The following DNAJC17 variants were observed in gnomAD, a reference collection of about 807,000 sequenced individuals.
DNAJC17 encodes dnaJ homolog subfamily C member 17.
In DNAJC17, 35 loss-of-function variants were observed where a neutral mutation model predicts 48.1. That is an observed-to-expected ratio of 0.73 (90% CI 0.56 to 0.96). DNAJC17 has a LOEUF of 0.96. DNAJC17 is among the 50% of genes least tolerant of loss of function. The pLI is 0.00. For synonymous variants in DNAJC17, 117 were observed against 142.7 expected (o/e 0.82, Z 1.28); for missense variants, 355 against 377.1 (o/e 0.94, Z 0.48).
intron 1 of DNAJC17, among the ~76,000 whole-genome samples, chr15:40,785,587 T>C (rs1889618432): frequency 6.6e-6 from 1 of 152,200 alleles, no homozygotes; most frequent in Non-Finnish European, 1.5e-5. Context: ...TCCCAAACCT[T>C]TCTCTCCTCT....
At chr15:40,775,383 G>T in intron 7 of DNAJC17, 170 bp downstream of exon 7, 2 of 827,332 alleles carry the variant, frequency 2.4e-6, no homozygotes, top group South Asian at 1.6e-5. Context: ...GCCTTTCGTG[G>T]CAAGCTCTGA....
At chr15:40,800,433 T>C (rs1406453752) in intron 1 of DNAJC17, among the ~76,000 whole-genome samples, 1 of 152,142 alleles carries the variant, frequency 6.6e-6, no homozygotes, top group East Asian at 1.9e-4. Context: ...CATGTGTTTA[T>C]TGACCATTTG....
chr15:40,807,372 T>G lies in DNAJC17; in HGVS notation c.75A>C (p.Lys25Asn), dbSNP rs1890275003. 1.2e-6 allele frequency: 2 copies of G among 1,614,124 alleles called. No homozygotes were observed. Among genetic ancestry groups the G allele is most frequent in the Non-Finnish European group, 1.7e-6 (2 of 1,180,052 alleles). ...CCTTCCTCGCCACCGTTCTCACCTCTTTGTCCGCTGCCTTCTCCTCAATGC... is the reference window on the plus strand; with the variant it reads ...CCTTCCTCGCCACCGTTCTCACCTCGTTGTCCGCTGCCTTCTCCTCAATGC... ...LLGIEEKAADKEVKKAYRQKA... is the reference protein window; with the variant it reads ...LLGIEEKAADNEVKKAYRQKA... Residue 25 changes from lysine to asparagine, a missense_variant, in exon 1 of 11, where the codon AAA (lysine) becomes AAC (asparagine). Physicochemically the swap from Lys to Asn is moderately conservative, Grantham distance 94. Coordinates refer to ENST00000220496, the MANE Select transcript of DNAJC17 (RefSeq NM_018163.3).
In DNAJC17 at chr15:40,767,939, G is replaced by A; in HGVS notation, c.*1C>T. The stretch of plus-strand genomic sequence containing the variant: ...TGAGGGGTGGATGGCTGGAGCTGGG[G>A]CTACGTAGGCGGCCCCTCCTGGTCT... On this transcript the variant is annotated 3_prime_UTR_variant, in exon 11 of 11. Transcript: ENST00000220496. 1 of 1,612,654 alleles carries A rather than the reference G, an allele frequency of 6.2e-7. No individual in the cohort carries two copies. Among genetic ancestry groups the A allele is most frequent in the Non-Finnish European group, 8.5e-7 (1 of 1,179,604 alleles).
At chr15:40,807,140 A>T in intron 1 of DNAJC17, 1 of 1,090,572 alleles carries the variant, frequency 9.2e-7, no homozygotes, top group Non-Finnish European at 1.3e-6. Flanking sequence ...CCACGGGGAG[A>T]GCACAGCCAC....
In DNAJC17 at chr15:40,807,434, T is replaced by A. The variant is rs777087065; in HGVS notation, c.13A>T (p.Lys5Ter). The A allele has an allele frequency of 1.9e-6, 3 of 1,614,250 alleles. No individual in the cohort carries two copies. In the South Asian group the frequency reaches 3.3e-5, roughly 18 times the overall value. The change falls in exon 1 of 11, where the codon AAG (lysine) becomes TAG (stop). Residue 5 changes from lysine to a stop codon, truncating the protein, a stop_gained. Coordinates refer to ENST00000220496, the MANE Select transcript of DNAJC17 (RefSeq NM_018163.3). LOFTEE classifies it high-confidence loss of function. ...TACAGGTCCATCTGTAAGAGCTCCTTGGTCACTGCCATGGTTCCGGCCTGA... is the reference window on the plus strand; with the variant it reads ...TACAGGTCCATCTGTAAGAGCTCCTAGGTCACTGCCATGGTTCCGGCCTGA... MAVT[K>*]ELLQMDLYAL... is the part of the protein sequence containing the mutation.
chr15:40,779,203 A>G lies in DNAJC17; in HGVS notation c.295+20T>C. 1 of 1,610,540 alleles carries G rather than the reference A, an allele frequency of 6.2e-7. No individual in the cohort carries two copies. The highest frequency in any genetic ancestry group is 8.5e-7 in the Non-Finnish European group (1 of 1,176,732). ...GACCACAGGAAACCACAGGCCACCGAGCACTATGATGGCACCTACCAAGCT... is the reference window on the plus strand; with the variant it reads ...GACCACAGGAAACCACAGGCCACCGGGCACTATGATGGCACCTACCAAGCT... On this transcript the variant is annotated intron_variant, in intron 4 of 10. Transcript: ENST00000220496.
intron 4 of DNAJC17, among the ~76,000 whole-genome samples, chr15:40,777,052 T>C (rs1889346462): frequency 6.6e-6 from 1 of 152,128 alleles, no homozygotes; most frequent in Non-Finnish European, 1.5e-5. Context: ...CACTGTCTCC[T>C]TTACCTCCCA....
chr15:40,778,057 C>A (rs1037147967), intron 4 of DNAJC17, among the ~76,000 whole-genome samples: 1 of 151,682 alleles, frequency 6.6e-6, no homozygotes, highest in Admixed American at 6.6e-5. Flanking sequence ...CCGGGCACAG[C>A]GGCTCGCACC....
intron 1 of DNAJC17, among the ~76,000 whole-genome samples, chr15:40,783,719 C>T (rs889017199): frequency 2.0e-5 from 3 of 151,794 alleles, no homozygotes; most frequent in East Asian, 3.9e-4. Flanking sequence ...AAAAATTAGC[C>T]GGGTGTGGTG....
At chr15:40,790,443 G>A (rs1020385489) in intron 1 of DNAJC17, among the ~76,000 whole-genome samples, 10 of 152,056 alleles carry the variant, frequency 6.6e-5, no homozygotes, top group African/African-American at 1.7e-4. Context: ...GCATGGTGGC[G>A]CATCACATGC....
intron 1 of DNAJC17, among the ~76,000 whole-genome samples, chr15:40,795,834 G>A (rs957736487): frequency 1.3e-5 from 2 of 152,122 alleles, no homozygotes; most frequent in South Asian, 4.1e-4. Context: ...AGAGGTTGCA[G>A]TGAGCCAAGA....
rs1889099982 is a variant in DNAJC17, at chr15:40,770,536, T to C, written c.793-2474A>G. ...AAAGGCTCCTTCCGCAACGCCTCCT[T>C]CTTCAAGCAGCTGAGCCTGGGGCGG... On this transcript the variant is annotated intron_variant, in intron 10 of 10. Coordinates refer to ENST00000220496, the MANE Select transcript of DNAJC17 (RefSeq NM_018163.3). This position sits in a 1 kb window ranked among gnomAD's most constrained non-coding sequence, Gnocchi z 5.0. 7 of 1,550,590 alleles carry C rather than the reference T, an allele frequency of 4.5e-6. No homozygotes were observed. The highest frequency in any genetic ancestry group is 2.0e-5 in the Admixed American group (1 of 50,990).
chr15:40,774,015 G>C (rs919880522), intron 9 of DNAJC17, among the ~76,000 whole-genome samples, 178 bp from the exon 10 acceptor site: 12 of 152,186 alleles, frequency 7.9e-5, no homozygotes, highest in African/African-American at 2.7e-4. Flanking sequence ...AGAGGGGTTG[G>C]GGGAGCTTTC....
chr15:40,786,631 GTC>G (rs1395964162), intron 1 of DNAJC17, among the ~76,000 whole-genome samples: 11 of 152,108 alleles, frequency 7.2e-5, no homozygotes, highest in Non-Finnish European at 1.5e-5. Context: ...AAATCCCCTG[GTC>G]TCTCTAGCGC....
chr15:40,805,244 C>T (rs1338992606), intron 1 of DNAJC17, among the ~76,000 whole-genome samples: 12 of 150,846 alleles, frequency 8.0e-5, no homozygotes, highest in African/African-American at 2.9e-4. Flanking sequence ...GGCGTGGTGG[C>T]GGGTGCCTGT....
At chr15:40,800,084 G>T (rs1181016751) in intron 1 of DNAJC17, among the ~76,000 whole-genome samples, 1 of 151,778 alleles carries the variant, frequency 6.6e-6, no homozygotes, top group Non-Finnish European at 1.5e-5. Context: ...TTGTTTGTTT[G>T]TTTTTTGAGA....
At chr15:40,805,342 C>T (rs1890176945) in intron 1 of DNAJC17, among the ~76,000 whole-genome samples, 2 of 145,490 alleles carry the variant, frequency 1.4e-5, no homozygotes, top group South Asian at 4.3e-4. Flanking sequence ...TGCCACTGCA[C>T]TCCAGCCTGG....
In DNAJC17 at chr15:40,777,274, T is replaced by C. The variant is rs953223332; in HGVS notation, c.296-647A>G. Among the ~76,000 whole-genome samples the C allele has an allele frequency of 1.9e-3, 277 of 146,604 alleles. 2 individuals are homozygous for C. The highest frequency in any genetic ancestry group is 6.9e-3 in the African/African-American group (265 of 38,306). Reference sequence around the variant, plus strand: ...TACTTACTTAGACTCTCCTTTTCTCTCTCTCTCTTTTTTTTTTTTTTTTTT... The same window carrying C: ...TACTTACTTAGACTCTCCTTTTCTCCCTCTCTCTTTTTTTTTTTTTTTTTT... On this transcript the variant is annotated intron_variant, in intron 4 of 10. Coordinates refer to ENST00000220496, the MANE Select transcript of DNAJC17 (RefSeq NM_018163.3).
Sources: allele counts gnomAD v4.1 joint callset (sites outside exome capture counted in the v4.1 genomes callset), GRCh38; gene constraint gnomAD v4.1.1; non-coding constraint Gnocchi (gnomAD v3.1); transcripts MANE v1.5; gene names NCBI Gene and HGNC (gene_info 2026-07-23, HGNC 2026-07-21).